ANK1: variants seen among roughly 807,000 people sequenced by gnomAD.
ANK1 encodes ankyrin-1.
ANK1 carries 51 observed loss-of-function variants against 210.4 expected under a neutral mutation model. The ratio of observed to expected loss-of-function variants is 0.24; its 90% confidence interval spans 0.19 to 0.31. The LOEUF is 0.31. ANK1 is among the 10% of genes least tolerant of loss of function. The pLI is 1.00. For missense variants in ANK1, 2,051 were observed against 2,504.4 expected, an observed-to-expected ratio of 0.82 and a Z score of 3.86; for synonymous variants, 967 against 1,025.9, an observed-to-expected ratio of 0.94 and a Z score of 1.10.
intron 1 of ANK1, among the ~76,000 whole-genome samples, chr8:41,890,951 C>T (rs1166240142): frequency 6.6e-6 from 1 of 152,094 alleles, no homozygotes; most frequent in Admixed American, 6.5e-5. Flanking sequence ...TGTACAAAGG[C>T]TCAAGTGTTG....
chr8:41,848,197 A>AATAG (rs1810451827), intron 1 of ANK1, among the ~76,000 whole-genome samples: 1 of 149,054 alleles, frequency 6.7e-6, no homozygotes, highest in African/African-American at 2.5e-5. Flanking sequence ...AAAATAAATA[A>AATAG]ATAAATAAAT....
At chr8:41,667,520 TGG>T (rs1055198127) in intron 39 of ANK1, among the ~76,000 whole-genome samples, 2 of 151,338 alleles carry the variant, frequency 1.3e-5, no homozygotes, top group Admixed American at 6.6e-5. Context: ...TGGGAGAAAG[TGG>T]GGGGTGCAGA....
intron 23 of ANK1, among the ~76,000 whole-genome samples, chr8:41,698,768 G>C (rs183000142): frequency 1.3e-5 from 2 of 152,024 alleles, no homozygotes; most frequent in East Asian, 3.9e-4. Context: ...AGCTTAGCCT[G>C]GCAATAGTTT....
Position 41,883,584 on chromosome 8 carries a change from T to TAA in ANK1, c.126+12769_126+12770dup, listed in dbSNP as rs1817962266. On this transcript the variant is annotated intron_variant, in intron 1 of 42. Coordinates refer to the ANK1 transcript ENST00000265709. ...AAGTGATCCTCCCACCTCAACCTCC[T>TAA]AAGTAGCTGGGAATACAGGCACGCA... is the stretch of plus-strand genomic sequence containing the variant. Among the ~76,000 whole-genome samples the TAA allele has an allele frequency of 2.6e-5, 4 of 152,056 alleles. No individual in the cohort carries two copies. In the South Asian group the frequency reaches 8.3e-4, roughly 32 times the overall value.
At chr8:41,775,527 G>C (rs1192294433) in intron 1 of ANK1, among the ~76,000 whole-genome samples, 1 of 152,210 alleles carries the variant, frequency 6.6e-6, no homozygotes, top group East Asian at 1.9e-4. Flanking sequence ...TCACCGCAGA[G>C]ACAATGAGAT....
chr8:41,725,548 C>A (rs578249341), intron 6 of ANK1, among the ~76,000 whole-genome samples: 7 of 152,216 alleles, frequency 4.6e-5, no homozygotes, highest in Non-Finnish European at 1.0e-4. Context: ...ACCACCCCCG[C>A]TGCTCACCAA....
At chr8:41,715,138 C>T (rs755925413) in intron 14 of ANK1, 64 bp from the exon 15 acceptor site, 8 of 1,448,484 alleles carry the variant, frequency 5.5e-6, no homozygotes, top group Non-Finnish European at 7.8e-6. Flanking sequence ...AGAAAGGGCC[C>T]ACAGCAAAGG....
At chr8:41,678,300 G>C (rs755796016) in intron 37 of ANK1, among the ~76,000 whole-genome samples, 1 of 152,012 alleles carries the variant, frequency 6.6e-6, no homozygotes, top group African/African-American at 2.4e-5. Context: ...CAGCATGCCT[G>C]GCTAACTTTT....
At chr8:41,869,569 G>A (rs1815093350) in intron 1 of ANK1, among the ~76,000 whole-genome samples, 1 of 152,086 alleles carries the variant, frequency 6.6e-6, no homozygotes, top group African/African-American at 2.4e-5. Flanking sequence ...GACAGAGCGA[G>A]ACCATCTAAA....
At chr8:41,725,209 C>T (rs1470810962) in intron 6 of ANK1, among the ~76,000 whole-genome samples, 2 of 152,156 alleles carry the variant, frequency 1.3e-5, no homozygotes, top group African/African-American at 2.4e-5. Flanking sequence ...GATCTGGGGC[C>T]GGTGGAAGAG....
intron 1 of ANK1, among the ~76,000 whole-genome samples, chr8:41,817,815 A>G (rs948862666): frequency 6.6e-6 from 1 of 152,186 alleles, no homozygotes; most frequent in African/African-American, 2.4e-5. Context: ...TCACCACTGA[A>G]CCATGAATGC....
chr8:41,827,319 C>CA (rs1232993222), intron 1 of ANK1, among the ~76,000 whole-genome samples: 1 of 152,212 alleles, frequency 6.6e-6, no homozygotes, highest in East Asian at 1.9e-4. Flanking sequence ...TTTCCCCTTG[C>CA]TGGTGTGAAT....
At chr8:41,764,018 A>G (rs1841178158) in intron 1 of ANK1, among the ~76,000 whole-genome samples, 1 of 147,666 alleles carries the variant, frequency 6.8e-6, no homozygotes, top group Admixed American at 7.0e-5. Flanking sequence ...ACTACACATC[A>G]TTCAGTTTAA....
intron 2 of ANK1, among the ~76,000 whole-genome samples, chr8:41,746,737 C>T (rs1836244425): frequency 6.6e-6 from 1 of 151,856 alleles, no homozygotes; most frequent in Non-Finnish European, 1.5e-5. Context: ...GCTGATGGGC[C>T]CTGGGGAAGG....
intron 1 of ANK1, among the ~76,000 whole-genome samples, chr8:41,843,204 C>T (rs962321971): frequency 6.6e-6 from 1 of 152,146 alleles, no homozygotes; most frequent in Non-Finnish European, 1.5e-5. Flanking sequence ...TTTATTTGTG[C>T]AAATTCATGC....
At chr8:41,672,303 C>T in intron 38 of ANK1, 51 bp downstream of exon 38, 3 of 1,593,100 alleles carry the variant, frequency 1.9e-6, no homozygotes, top group Non-Finnish European at 2.6e-6. Context: ...TAATCTTACC[C>T]AGGAGCCCAG....
intron 1 of ANK1, among the ~76,000 whole-genome samples, chr8:41,865,533 G>A (rs942320687): frequency 3.9e-5 from 6 of 152,040 alleles, no homozygotes; most frequent in Admixed American, 2.6e-4. Flanking sequence ...CAAATTCACG[G>A]GTCCCACTGG....
intron 1 of ANK1, among the ~76,000 whole-genome samples, chr8:41,846,055 A>G (rs998135898): frequency 6.6e-6 from 1 of 152,248 alleles, no homozygotes; most frequent in African/African-American, 2.4e-5. Flanking sequence ...GGGCACAATG[A>G]TGGACCAGCC....
intron 1 of ANK1, among the ~76,000 whole-genome samples, chr8:41,780,384 A>C (rs1203337633): frequency 3.3e-5 from 5 of 152,230 alleles, no homozygotes; most frequent in African/African-American, 1.2e-4. Flanking sequence ...AGTTGAATTC[A>C]TGAATAGCAT....
Sources: allele counts gnomAD v4.1 joint callset (sites outside exome capture counted in the v4.1 genomes callset), GRCh38; gene constraint gnomAD v4.1.1; transcripts MANE v1.5; gene names NCBI Gene and HGNC (gene_info 2026-07-23, HGNC 2026-07-21).